The following EYA4 variants were observed in gnomAD, a reference collection of about 807,000 sequenced individuals.
EYA4 encodes the protein protein phosphatase EYA4.
Under a neutral mutation model 87.9 loss-of-function variants are expected in EYA4, and 31 were observed. The ratio of observed to expected loss-of-function variants is 0.35; its 90% CI spans 0.27 to 0.48. The LOEUF (loss-of-function observed/expected upper bound fraction) is 0.48, where lower values mean the gene tolerates loss of function less well. Among genes scored for constraint, EYA4 ranks in the 20% least tolerant of loss-of-function variants. EYA4 has a pLI of 0.99. For missense variants in EYA4, 678 were observed against 761.4 expected (o/e 0.89, Z 1.29); for synonymous variants, 263 against 270.6 (o/e 0.97, Z 0.28).
chr6:133,330,596 C>A (rs1344135598), intron 2 of EYA4, among the ~76,000 whole-genome samples: 1 of 146,686 alleles, frequency 6.8e-6, no homozygotes, highest in Non-Finnish European at 1.5e-5. Flanking sequence ...CACACACATA[C>A]TTTTTTGGGG....
At chr6:133,443,884 C>A (rs1321705015) in intron 3 of EYA4, among the ~76,000 whole-genome samples, 1 of 152,072 alleles carries the variant, frequency 6.6e-6, no homozygotes, top group Non-Finnish European at 1.5e-5. Flanking sequence ...ATACTATACC[C>A]TGTGAAATTT....
chr6:133,244,175 C>T (rs1174036620), intron 1 of EYA4, among the ~76,000 whole-genome samples: 1 of 152,082 alleles, frequency 6.6e-6, no homozygotes, highest in African/African-American at 2.4e-5. Context: ...TTTTCAAAAG[C>T]CTGTTTTCCT....
intron 2 of EYA4, among the ~76,000 whole-genome samples, chr6:133,289,467 A>C (rs1778316840): frequency 1.3e-5 from 2 of 152,200 alleles, no homozygotes; most frequent in South Asian, 2.1e-4. Flanking sequence ...TTAGCAAAAT[A>C]TCTCTCATTG....
At position 133,397,803 on chromosome 6, in the gene EYA4, G is replaced by A. The variant is rs72999771; in HGVS notation, c.83+15362G>A. Among the ~76,000 whole-genome samples the A allele has an allele frequency of 1.1e-3, 170 of 152,280 alleles. 1 individual carries two copies. Among genetic ancestry groups the A allele is most frequent in the Admixed American group, 2.0e-3 (30 of 15,292 alleles). Reference sequence around the variant, plus strand: ...AAAAGGCATGTGTCACATGGGGGCCGACAAGAGAAGAGGGCTTGTGCTTTT... The same window carrying A: ...AAAAGGCATGTGTCACATGGGGGCCAACAAGAGAAGAGGGCTTGTGCTTTT... On this transcript the variant is annotated intron_variant, in intron 3 of 19. Transcript: ENST00000355286.
At chr6:133,527,998 A>G (rs976330408) in intron 19 of EYA4, among the ~76,000 whole-genome samples, 22 of 152,124 alleles carry the variant, frequency 1.4e-4, no homozygotes, top group Admixed American at 7.2e-4. Flanking sequence ...ACTGTATACT[A>G]TTATAGTATA....
At chr6:133,447,142 T>C (rs928915558) in intron 4 of EYA4, among the ~76,000 whole-genome samples, 2 of 152,204 alleles carry the variant, frequency 1.3e-5, no homozygotes, top group African/African-American at 4.8e-5. Context: ...TTTTGAATTA[T>C]AAACATTTTT....
chr6:133,515,566 A>AT (rs1004973565), intron 17 of EYA4, 131 bp downstream of exon 17: 16 of 670,620 alleles, frequency 2.4e-5, no homozygotes, highest in African/African-American at 5.3e-5. Flanking sequence ...GAGTTCAGTG[A>AT]TTTTTTCAAT....
chr6:133,469,662 G>A (rs953465356), intron 11 of EYA4, among the ~76,000 whole-genome samples: 1 of 151,874 alleles, frequency 6.6e-6, no homozygotes, highest in African/African-American at 2.4e-5. Context: ...AAGAGGAAAG[G>A]ATCTCAACTT....
rs757138227 is a variant in EYA4 at position 133,454,028 on chromosome 6, A to C, written c.278-2528A>C. Among the ~76,000 whole-genome samples the C allele has an allele frequency of 5.9e-5, 9 of 152,264 alleles. No individual in the cohort carries two copies. In the East Asian group the frequency reaches 1.7e-3, roughly 29 times the overall value. ...AATTGAAGAGATTATAATCAAAATC[A>C]ATACTAAGCTTTTGAAATTGGGTCT... On this transcript the variant is annotated intron_variant, in intron 5 of 19. Transcript: ENST00000355286.
chr6:133,520,098 C>G (rs1002399575), intron 17 of EYA4, among the ~76,000 whole-genome samples: 3 of 151,858 alleles, frequency 2.0e-5, no homozygotes, highest in African/African-American at 7.2e-5. Context: ...CCTCTCTCAC[C>G]ACTCCTATTC....
intron 17 of EYA4, among the ~76,000 whole-genome samples, chr6:133,518,519 G>A (rs955827619): frequency 3.3e-5 from 5 of 152,116 alleles, no homozygotes; most frequent in African/African-American, 1.2e-4. Context: ...AAAAACAGAT[G>A]CTTTGTTGAA....
chr6:133,468,852 C>A, intron 11 of EYA4, 121 bp downstream of exon 11: 1 of 997,878 alleles, frequency 1.0e-6, no homozygotes, highest in Non-Finnish European at 1.6e-6. Context: ...GATGTTTAAT[C>A]TGTGTTAGCA....
chr6:133,356,317 T>C (rs73559634), intron 2 of EYA4, among the ~76,000 whole-genome samples: 3,194 of 152,274 alleles, frequency 0.021, 114 homozygotes, highest in African/African-American at 0.073. Context: ...TCAAGAGTTA[T>C]ACTACTTATT....
At position 133,523,244 on chromosome 6, in the gene EYA4, T is replaced by G. The variant is rs1800343889; in HGVS notation, c.1738+67T>G. 7 of 1,523,174 alleles carry G rather than the reference T, an allele frequency of 4.6e-6. No homozygotes were observed. In the East Asian group the frequency reaches 1.6e-4, roughly 34 times the overall value. 94.4% of individuals were successfully genotyped at this position (1,523,174 alleles called of 1,614,324 possible). ...TCTGTGTGTCTCTGCCTAGTTCCCT[T>G]TTTCAGCAATTTCACTTAGTACATG... On this transcript the variant is annotated intron_variant, in intron 18 of 19. Transcript: ENST00000355286.
chr6:133,250,267 C>T (rs1774779229), intron 1 of EYA4, among the ~76,000 whole-genome samples: 1 of 152,136 alleles, frequency 6.6e-6, no homozygotes, highest in Admixed American at 6.5e-5. Flanking sequence ...GCCAAGGATC[C>T]TGAAAATCTC....
In EYA4 at chr6:133,446,625, A is replaced by G; in HGVS notation, c.84-5A>G. 8 of 1,613,910 alleles carry G rather than the reference A, an allele frequency of 5.0e-6. No homozygotes were observed. The highest frequency in any genetic ancestry group is 1.1e-5 in the South Asian group (1 of 91,084). On this transcript the variant is annotated splice_region_variant and splice_polypyrimidine_tract_variant and intron_variant, in intron 3 of 19. Transcript: ENST00000355286. ...ACTTTTCTCTGCTGCTTACTGCTCT[A>G]CCAGGTCTATGGAAATGCAGGACCT...
Position 133,285,900 on chromosome 6 carries a change from A to G in EYA4, c.33+11087A>G, listed in dbSNP as rs181659298. Among the ~76,000 whole-genome samples, 31 of 152,342 alleles carry G rather than the reference A, an allele frequency of 2.0e-4. 2 individuals are homozygous for G. The highest frequency in any genetic ancestry group is 6.3e-4 in the African/African-American group (26 of 41,584). ...ACTGAGATAGGATGACTGGGGAAGA[A>G]CAGGTTGGGGTTGCAGATCAGGAGG... On this transcript the variant is annotated intron_variant, in intron 2 of 19. Transcript: ENST00000355286.
At chr6:133,302,451 C>T (rs1779483293) in intron 2 of EYA4, among the ~76,000 whole-genome samples, 1 of 152,156 alleles carries the variant, frequency 6.6e-6, no homozygotes, top group African/African-American at 2.4e-5. Context: ...GCAGTATATT[C>T]ATTAATAATC....
At chr6:133,262,217 A>G (rs3777794) in intron 1 of EYA4, among the ~76,000 whole-genome samples, 92,135 of 152,066 alleles carry the variant, frequency 0.61, 28,980 homozygotes, top group African/African-American at 0.76. Flanking sequence ...ATCAAAAAAG[A>G]TTTCCAGGTT....
Sources: allele counts gnomAD v4.1 joint callset (sites outside exome capture counted in the v4.1 genomes callset), GRCh38; gene constraint gnomAD v4.1.1; transcripts MANE v1.5; gene names NCBI Gene and HGNC (gene_info 2026-07-23, HGNC 2026-07-21).